The following CSMD1 variants were observed in gnomAD, a reference collection of about 807,000 sequenced individuals.
CSMD1 encodes the protein CUB and sushi domain-containing protein 1.
A neutral mutation model predicts 417.5 loss-of-function variants in CSMD1; 213 were observed. The observed-to-expected ratio is 0.51, with a 90% CI of 0.46 to 0.57. CSMD1 has a LOEUF of 0.57. CSMD1 is among the 20% of genes least tolerant of loss of function. The probability of loss-of-function intolerance (pLI) is 0.00; values close to 1 mark genes in which losing one functional copy is unlikely to be tolerated. For synonymous variants in CSMD1, 2,862 were observed against 1,736.8 expected, an observed-to-expected ratio of 1.65 and a Z score of -16.11; for missense variants, 6,923 against 4,529.7, an observed-to-expected ratio of 1.53 and a Z score of -15.17.
chr8:4,936,647 G>C (rs1399327606), intron 1 of CSMD1, among the ~76,000 whole-genome samples: 2 of 152,144 alleles, frequency 1.3e-5, no homozygotes, highest in African/African-American at 2.4e-5. Flanking sequence ...TTTAATTCAA[G>C]AGCTAGTTAT....
At chr8:3,747,268 C>A (rs1797107649) in intron 6 of CSMD1, among the ~76,000 whole-genome samples, 1 of 152,140 alleles carries the variant, frequency 6.6e-6, no homozygotes, top group South Asian at 2.1e-4. Context: ...ATCCAATAAC[C>A]CCATGCCATC....
chr8:4,125,761 C>G (rs939470694), intron 3 of CSMD1, among the ~76,000 whole-genome samples: 2 of 152,140 alleles, frequency 1.3e-5, no homozygotes, highest in African/African-American at 2.4e-5. Context: ...TTGTTTACAG[C>G]CCTTATCAAC....
intron 3 of CSMD1, among the ~76,000 whole-genome samples, chr8:4,137,346 G>C (rs1286829407): frequency 6.8e-6 from 1 of 147,754 alleles, no homozygotes; most frequent in Non-Finnish European, 1.5e-5. Flanking sequence ...ACTCAGACAT[G>C]TTGAATAGAG....
At chr8:2,954,305 A>G in intron 64 of CSMD1, 37 bp from the exon 65 acceptor site, 1 of 1,274,926 alleles carries the variant, frequency 7.8e-7, no homozygotes, top group Non-Finnish European at 1.1e-6. Flanking sequence ...TTTAAAAAAA[A>G]CATTTATTTT....
At chr8:3,675,002 G>A (rs766272370) in intron 7 of CSMD1, among the ~76,000 whole-genome samples, 8 of 152,194 alleles carry the variant, frequency 5.3e-5, no homozygotes, top group African/African-American at 7.2e-5. Context: ...TCCCTGGAAG[G>A]TTTTTAATGC....
At chr8:3,305,171 C>A (rs181034365) in intron 25 of CSMD1, among the ~76,000 whole-genome samples, 3 of 152,056 alleles carry the variant, frequency 2.0e-5, no homozygotes, top group African/African-American at 4.8e-5. Flanking sequence ...AGGTGTGAGC[C>A]GCTATGCCTG....
intron 10 of CSMD1, among the ~76,000 whole-genome samples, chr8:3,531,668 A>C (rs1444125198): frequency 6.6e-6 from 1 of 152,312 alleles, no homozygotes; most frequent in African/African-American, 2.4e-5. Context: ...AAAACTATTT[A>C]TGCAGATAAT....
At chr8:3,556,256 C>T (rs1799135503) in intron 10 of CSMD1, among the ~76,000 whole-genome samples, 1 of 150,824 alleles carries the variant, frequency 6.6e-6, no homozygotes, top group Admixed American at 6.6e-5. Flanking sequence ...TTTTTGGTAC[C>T]CATTAACCAC....
rs545837958 is a variant in CSMD1 at position 2,966,858 on chromosome 8, C to A, written c.8924-112G>T. 11 of 915,356 alleles carry A rather than the reference C, an allele frequency of 1.2e-5. No homozygotes were observed. The South Asian group carries it at 1.8e-4, about 15-fold the overall frequency. The allele number at this position is 915,356 out of a possible 1,614,324, so 56.7% of individuals were successfully genotyped here. A position where few individuals can be genotyped will look rare whatever the true frequency, so the allele number is the denominator to read the frequency against. ...AATAGACTACACATTTATTACAAAC[C>A]CAAAGCACACAATCCTATGGAAGTT... On this transcript the variant is annotated intron_variant, in intron 57 of 69. Coordinates refer to ENST00000635120, the MANE Select transcript of CSMD1 (RefSeq NM_033225.6).
At chr8:3,293,154 C>G (rs1212064275) in intron 25 of CSMD1, among the ~76,000 whole-genome samples, 1 of 152,082 alleles carries the variant, frequency 6.6e-6, no homozygotes, top group Non-Finnish European at 1.5e-5. Flanking sequence ...GAATATTGCC[C>G]CCACTCTCTT....
intron 12 of CSMD1, among the ~76,000 whole-genome samples, chr8:3,460,522 T>C (rs1563060315): frequency 6.6e-6 from 1 of 151,790 alleles, no homozygotes; most frequent in East Asian, 1.9e-4. Context: ...AATAGAAGAG[T>C]TTAGTAGCGG....
At chr8:4,958,570 G>C (rs545325010) in intron 1 of CSMD1, among the ~76,000 whole-genome samples, 1 of 152,250 alleles carries the variant, frequency 6.6e-6, no homozygotes, top group South Asian at 2.1e-4. Context: ...TAGAAATTCT[G>C]ACAGCTTCTT....
At chr8:3,230,482 G>GT (rs11393906) in intron 26 of CSMD1, among the ~76,000 whole-genome samples, 35,365 of 151,882 alleles carry the variant, frequency 0.23, 4,220 homozygotes, top group South Asian at 0.4. Context: ...TATATCAAGG[G>GT]TTTTTTTAAA....
intron 2 of CSMD1, among the ~76,000 whole-genome samples, chr8:4,516,573 C>T (rs1023820043): frequency 2.6e-5 from 4 of 152,150 alleles, no homozygotes; most frequent in African/African-American, 9.7e-5. Flanking sequence ...CCGTAAGCCT[C>T]TGGAAGAGCT....
intron 1 of CSMD1, among the ~76,000 whole-genome samples, chr8:4,705,969 T>G (rs1456231783): frequency 6.6e-6 from 1 of 151,974 alleles, no homozygotes; most frequent in African/African-American, 2.4e-5. Context: ...TCTGGATAAA[T>G]GCTTAGGATG....
intron 23 of CSMD1, among the ~76,000 whole-genome samples, chr8:3,312,926 C>A (rs1356462556): frequency 6.6e-6 from 1 of 152,168 alleles, no homozygotes; most frequent in Non-Finnish European, 1.5e-5. Context: ...AAGTACATTT[C>A]AATTGAGCTT....
At chr8:3,093,516 A>AAATT (rs1454628110) in intron 47 of CSMD1, among the ~76,000 whole-genome samples, 2 of 152,032 alleles carry the variant, frequency 1.3e-5, no homozygotes, top group East Asian at 3.9e-4. Flanking sequence ...AAAATACAAA[A>AAATT]AATTAGCTGG....
intron 5 of CSMD1, among the ~76,000 whole-genome samples, chr8:3,780,361 A>G (rs982380176): frequency 1.3e-5 from 2 of 152,222 alleles, no homozygotes; most frequent in Admixed American, 1.3e-4. Context: ...AAGCATTGCA[A>G]ACAATCAAGA....
intron 3 of CSMD1, among the ~76,000 whole-genome samples, chr8:4,289,234 T>G (rs1797228162): frequency 6.6e-6 from 1 of 152,238 alleles, no homozygotes; most frequent in Non-Finnish European, 1.5e-5. Flanking sequence ...TCATTTCTCA[T>G]ATTGTTATTC....
Sources: allele counts gnomAD v4.1 joint callset (sites outside exome capture counted in the v4.1 genomes callset), GRCh38; gene constraint gnomAD v4.1.1; transcripts MANE v1.5; gene names NCBI Gene and HGNC (gene_info 2026-07-23, HGNC 2026-07-21).